Variants in LRRC37B observed in about 807,000 individuals in gnomAD.
LRRC37B encodes the protein leucine-rich repeat-containing protein 37B.
In LRRC37B, 28 loss-of-function variants were observed where a neutral mutation model predicts 98.3. The ratio of observed to expected loss-of-function variants is 0.28; its 90% CI spans 0.21 to 0.39. The LOEUF is 0.39. LRRC37B is among the 10% of genes least tolerant of loss of function. LRRC37B has a pLI of 1.00. For missense variants in LRRC37B, 938 were observed against 1,182.7 expected (o/e 0.79, Z 3.03); for synonymous variants, 364 against 442.7 (o/e 0.82, Z 2.23).
At chr17:32,013,624 GT>G (rs1910584441) in intron 1 of LRRC37B, among the ~76,000 whole-genome samples, 1 of 151,980 alleles carries the variant, frequency 6.6e-6, no homozygotes, top group Non-Finnish European at 1.5e-5. Flanking sequence ...CCTACTTAGA[GT>G]TAGCCTTTTA....
chr17:32,017,654 G>C (rs1341484586), upstream of LRRC37B, among the ~76,000 whole-genome samples: 1 of 152,048 alleles, frequency 6.6e-6, no homozygotes, highest in Non-Finnish European at 1.5e-5. Context: ...AAGAGAATTA[G>C]CCGGGCAGAG....
chr17:32,036,956 AG>A (rs1911259674), intron 7 of LRRC37B, among the ~76,000 whole-genome samples: 2 of 139,174 alleles, frequency 1.4e-5, no homozygotes, highest in Non-Finnish European at 3.1e-5. Flanking sequence ...TGAGAGTCAC[AG>A]TTGTTCCACA....
exon 1 of LRRC37B, chr17:32,022,054 C>T (rs1213052858): frequency 6.2e-7 from 1 of 1,613,858 alleles, no homozygotes; most frequent in Non-Finnish European, 8.5e-7. Flanking sequence ...CAGCAGGAGG[C>T]CCCAGCTCTG....
At chr17:32,009,268 T>C (rs1313690458) in intron 1 of LRRC37B, among the ~76,000 whole-genome samples, 1 of 123,128 alleles carries the variant, frequency 8.1e-6, no homozygotes, top group Admixed American at 8.0e-5. Flanking sequence ...TACTAAAATC[T>C]TTTTTTTTTT....
intron 5 of LRRC37B, among the ~76,000 whole-genome samples, chr17:32,032,993 G>A (rs1410349005): frequency 1.3e-5 from 2 of 151,558 alleles, no homozygotes; most frequent in Non-Finnish European, 2.9e-5. Context: ...GTGAAACCCC[G>A]TCTGTACTAA....
chr17:32,039,574 T>C (rs2142255536), intron 7 of LRRC37B, among the ~76,000 whole-genome samples: 1 of 131,292 alleles, frequency 7.6e-6, no homozygotes, highest in African/African-American at 2.9e-5. Context: ...TATATATTTC[T>C]ATATATATTT....
intron 4 of LRRC37B, 79 bp downstream of exon 7, chr17:32,030,806 AAT>A: frequency 1.1e-6 from 1 of 907,048 alleles, no homozygotes; most frequent in East Asian, 2.8e-5. Flanking sequence ...TTCATTTTGA[AAT>A]ATGATTAAAA....
At chr17:32,026,463 T>C (rs1056294214) in intron 2 of LRRC37B, among the ~76,000 whole-genome samples, 1 of 152,236 alleles carries the variant, frequency 6.6e-6, no homozygotes, top group South Asian at 2.1e-4. Context: ...AATTTTGTTC[T>C]TGTTGCCCAG....
intron 8 of LRRC37B, among the ~76,000 whole-genome samples, chr17:32,046,617 T>TTA (rs1458991675): frequency 2.0e-5 from 3 of 150,752 alleles, no homozygotes; most frequent in Non-Finnish European, 3.0e-5. Flanking sequence ...TTTTTTTTTT[T>TTA]ACCAATTATA....
intron 9 of LRRC37B, 47 bp downstream of exon 12, chr17:32,047,948 A>G (rs765544442): frequency 6.2e-7 from 1 of 1,614,072 alleles, no homozygotes; most frequent in Non-Finnish European, 8.5e-7. Flanking sequence ...GCAGTGCACT[A>G]AGTTACATCT....
intron 7 of LRRC37B, chr17:32,040,937 G>C: frequency 1.0e-6 from 1 of 958,614 alleles, no homozygotes; most frequent in Non-Finnish European, 1.7e-6. Context: ...TTGACTAAAA[G>C]AAGCGGCAGG....
At chr17:32,026,936 A>G (rs1011735085) in intron 2 of LRRC37B, among the ~76,000 whole-genome samples, 2 of 152,186 alleles carry the variant, frequency 1.3e-5, no homozygotes, top group Admixed American at 6.5e-5. Context: ...CATGTCTGCA[A>G]TCCCAACACT....
chr17:32,020,649 C>T (rs780785519), upstream of LRRC37B: 38 of 370,608 alleles, frequency 1.0e-4, no homozygotes, highest in Non-Finnish European at 1.3e-4. Context: ...GAATAAATGA[C>T]TGTAACGCGC....
At chr17:32,009,422 C>T (rs1044373743) in intron 1 of LRRC37B, among the ~76,000 whole-genome samples, 1 of 151,810 alleles carries the variant, frequency 6.6e-6, no homozygotes, top group African/African-American at 2.4e-5. Context: ...CACCACCATA[C>T]CTGGCTAGTT....
At chr17:32,020,859 A>G, upstream of LRRC37B, 1 of 675,168 alleles carries the variant, frequency 1.5e-6, no homozygotes, top group Non-Finnish European at 2.1e-6. Context: ...CCACCCCACC[A>G]CAGCAGGCCG....
intron 7 of LRRC37B, among the ~76,000 whole-genome samples, chr17:32,044,975 C>T (rs1911533673): frequency 1.3e-5 from 2 of 152,166 alleles, no homozygotes; most frequent in Admixed American, 1.3e-4. Context: ...AGATCCTGTT[C>T]TCAAATGTCT....
At chr17:32,048,006 C>G in intron 9 of LRRC37B, 105 bp downstream of exon 12, 1 of 1,587,714 alleles carries the variant, frequency 6.3e-7, no homozygotes, top group Non-Finnish European at 8.6e-7. Flanking sequence ...AATATTGTTA[C>G]CGTTCACTGA....
chr17:32,011,197 A>G (rs1311632111), intron 1 of LRRC37B, among the ~76,000 whole-genome samples: 1 of 151,570 alleles, frequency 6.6e-6, no homozygotes, highest in Non-Finnish European at 1.5e-5. Flanking sequence ...GGGTTTCACT[A>G]TGTTAGCCAG....
chr17:32,023,388 G>T (rs967298033), intron 1 of LRRC37B, among the ~76,000 whole-genome samples: 1 of 152,174 alleles, frequency 6.6e-6, no homozygotes, highest in Non-Finnish European at 1.5e-5. Context: ...CTCCCAAAGT[G>T]CTGGGATTAC....
Sources: gnomAD v4.1 joint callset for allele counts (sites outside exome capture counted in the v4.1 genomes callset) on GRCh38, gnomAD v4.1.1 for gene constraint, MANE v1.5 for transcripts, NCBI Gene and HGNC (gene_info 2026-07-23, HGNC 2026-07-21) for gene names.